The following ZNF879 variants were observed in gnomAD, a reference collection of about 807,000 sequenced individuals.
The protein encoded by ZNF879 is zinc finger protein 879.
In ZNF879, 32 loss-of-function variants were observed where a neutral mutation model predicts 44.3. The ratio of observed to expected loss-of-function variants is 0.72; its 90% CI spans 0.54 to 0.97. The LOEUF is 0.97. ZNF879 is among the 50% of genes least tolerant of loss of function. The probability of loss-of-function intolerance (pLI) is 0.00; values close to 1 mark genes in which losing one functional copy is unlikely to be tolerated. For missense variants in ZNF879, 621 were observed against 669.7 expected (o/e 0.93, Z 0.80); for synonymous variants, 234 against 233.2 (o/e 1.00, Z -0.03).
At position 179,033,306 on chromosome 5, in the gene ZNF879, A is replaced by G. The variant is rs1398823353; in HGVS notation, c.1358A>G (p.Glu453Gly). 6.3e-7 allele frequency: 1 copy of G among 1,576,010 alleles called. No individual in the cohort carries two copies. The highest frequency in any genetic ancestry group is 1.2e-5 in the South Asian group (1 of 86,580). Reference protein sequence around the residue: ...LNIHHRIHTGEKPYNCKECGK... With the variant: ...LNIHHRIHTGGKPYNCKECGK... ...ATACATCACAGAATTCACACTGGAG[A>G]GAAACCATATAATTGTAAGGAATGT... The change falls in exon 5 of 5, where the codon GAG (glutamate) becomes GGG (glycine). Residue 453 changes from glutamate (E) to glycine (G), a missense_variant. Coordinates refer to ENST00000444149, the MANE Select transcript of ZNF879 (RefSeq NM_001136116.3).
chr5:179,028,249 A>G (rs1254525547), intron 4 of ZNF879, 122 bp downstream of exon 4: 1 of 805,866 alleles, frequency 1.2e-6, no homozygotes, highest in Admixed American at 2.4e-5. Context: ...GGGAAGGTAG[A>G]TCCTTTCTCT....
At position 179,033,812 on chromosome 5, in the gene ZNF879, GA is replaced by G. The variant is rs1467298605; in HGVS notation, c.*176del. The G allele has an allele frequency of 2.0e-6, 1 of 493,092 alleles. No homozygotes were observed. The highest frequency in any genetic ancestry group is 3.5e-6 in the Non-Finnish European group (1 of 285,700). The allele number at this position is 493,092 out of a possible 1,614,324, so 30.5% of individuals were successfully genotyped here. A position where few individuals can be genotyped will look rare whatever the true frequency, so the allele number is the denominator to read the frequency against. ...ATGCAGGGTAACCTTGGGAATGCTA[GA>G]AAAGCTTCTATAAAATGTTTATTCA... On this transcript the variant is annotated 3_prime_UTR_variant, in exon 5 of 5. Coordinates refer to ENST00000444149, the MANE Select transcript of ZNF879 (RefSeq NM_001136116.3).
chr5:179,033,739 T>C lies in ZNF879; in HGVS notation c.*99T>C, dbSNP rs762487257. 1.2e-4 allele frequency: 104 copies of C among 892,644 alleles called. No individual in the cohort carries two copies. The highest frequency in any genetic ancestry group is 2.9e-4 in the Admixed American group (9 of 31,518). The allele number at this position is 892,644 out of a possible 1,614,324, so 55.3% of individuals were successfully genotyped here. ...GAAAGTGATGAAGAGTAGTTAATCA[T>C]AGGTAAAACTTCAGCATTAGACCTC... is the stretch of plus-strand genomic sequence containing the variant. On this transcript the variant is annotated 3_prime_UTR_variant, in exon 5 of 5. Transcript: ENST00000444149.
At chr5:179,031,908 C>T (rs1006729354) in intron 4 of ZNF879, among the ~76,000 whole-genome samples, 6 of 152,234 alleles carry the variant, frequency 3.9e-5, no homozygotes, top group South Asian at 2.1e-4. Flanking sequence ...TGGGAGATGA[C>T]GCTGAGGGAC....
chr5:179,028,027 A>G lies in ZNF879; in HGVS notation c.161-5A>G, dbSNP rs1761317300. 1.3e-6 allele frequency: 2 copies of G among 1,551,284 alleles called. No homozygotes were observed. Among genetic ancestry groups the G allele is most frequent in the Admixed American group, 3.9e-5 (2 of 50,978 alleles). On this transcript the variant is annotated splice_polypyrimidine_tract_variant and splice_region_variant and intron_variant, in intron 3 of 4. Coordinates refer to ENST00000444149, the MANE Select transcript of ZNF879 (RefSeq NM_001136116.3). ...CGCTCACGTTTCTTTCTTGTTCATGAACAGGGATTCTCTTTTCCAAGCCAA... is the reference window on the plus strand; with the variant it reads ...CGCTCACGTTTCTTTCTTGTTCATGGACAGGGATTCTCTTTTCCAAGCCAA...
chr5:179,027,970 A>G, intron 3 of ZNF879, 62 bp from the exon 4 acceptor site: 1 of 1,416,722 alleles, frequency 7.1e-7, no homozygotes, highest in Non-Finnish European at 9.8e-7. Context: ...TGCCCTGGGC[A>G]CTCTGGGGCT....
At chr5:179,027,425 C>A (rs369064531) in intron 2 of ZNF879, 48 bp from the exon 3 acceptor site, 2 of 1,606,296 alleles carry the variant, frequency 1.2e-6, no homozygotes, top group Non-Finnish European at 1.7e-6. Context: ...TCAGTCTTCT[C>A]GTTGTGGGGA....
intron 3 of ZNF879, 88 bp from the exon 4 acceptor site, chr5:179,027,944 C>A: frequency 8.6e-7 from 1 of 1,159,540 alleles, no homozygotes; most frequent in Non-Finnish European, 1.3e-6. Flanking sequence ...CCTCCTCCTT[C>A]CCTGTACTGC....
rs765739969 is a variant in ZNF879, at chr5:179,027,600, G to C, written c.160+1G>C. Reference sequence around the variant, plus strand: ...AACTACAGCATCCTGGTCTCACTGGGTAAGGAACTTTCCTCCTGATGCAGA... The same window carrying C: ...AACTACAGCATCCTGGTCTCACTGGCTAAGGAACTTTCCTCCTGATGCAGA... On this transcript the variant is annotated splice_donor_variant, in intron 3 of 4. Transcript: ENST00000444149. LOFTEE classifies it high-confidence loss of function. 3.7e-6 allele frequency: 6 copies of C among 1,613,852 alleles called. No homozygotes were observed. In the South Asian group the frequency reaches 6.6e-5, roughly 18 times the overall value.
At chr5:179,028,183 A>G (rs1454166489) in intron 4 of ZNF879, 56 bp downstream of exon 4, 2 of 1,493,148 alleles carry the variant, frequency 1.3e-6, no homozygotes, top group East Asian at 2.5e-5. Context: ...GCCAGGGCAC[A>G]GCGAGGAGGC....
chr5:179,033,527 C>T lies in ZNF879; in HGVS notation c.1579C>T (p.Leu527Phe). Residue 527 changes from leucine (L) to phenylalanine (F), a missense_variant, in exon 5 of 5, where the codon CTT becomes TTT. Physicochemically the swap from Leu to Phe is conservative, Grantham distance 22. Coordinates refer to ENST00000444149, the MANE Select transcript of ZNF879 (RefSeq NM_001136116.3). The part of the protein sequence containing the change: ...CGKAFRQSSS[L>F]MTHMRIHTGE... ...GAAAGCCTTCAGACAGAGTTCATCCCTTATGACACACATGAGAATTCATAC... is the reference window on the plus strand; with the variant it reads ...GAAAGCCTTCAGACAGAGTTCATCCTTTATGACACACATGAGAATTCATAC... 6.4e-7 allele frequency: 1 copy of T among 1,555,536 alleles called. No individual in the cohort carries two copies. Among genetic ancestry groups the T allele is most frequent in the Non-Finnish European group, 8.7e-7 (1 of 1,149,444 alleles).
Position 179,028,082 on chromosome 5 carries a change from G to A in ZNF879, c.211G>A (p.Asp71Asn). 6.4e-7 allele frequency: 1 copy of A among 1,551,616 alleles called. No homozygotes were observed. Residue 71 changes from aspartate (D) to asparagine (N), a missense_variant, in exon 4 of 5, where the codon GAC becomes AAC. Physicochemically the swap from Asp to Asn is conservative, Grantham distance 23. Transcript: ENST00000444149. ...KVISQLEQGE[D>N]PWMVESGVPQ... ...CATCTCCCAGTTAGAGCAAGGAGAA[G>A]ACCCCTGGATGGTGGAGAGTGGAGT...
chr5:179,025,523 G>A (rs1761240661), intron 2 of ZNF879, among the ~76,000 whole-genome samples: 1 of 152,178 alleles, frequency 6.6e-6, no homozygotes, highest in African/African-American at 2.4e-5. Context: ...AGAATTTAAT[G>A]GGGCTCCAAT....
chr5:179,026,854 G>A (rs568044951), intron 2 of ZNF879, among the ~76,000 whole-genome samples: 54 of 152,336 alleles, frequency 3.5e-4, no homozygotes, highest in Non-Finnish European at 5.6e-4. Flanking sequence ...ATCCAGTGAA[G>A]GAGGAGAGAG....
chr5:179,032,376 T>C lies in ZNF879; in HGVS notation c.428T>C (p.Val143Ala). The C allele has an allele frequency of 6.4e-6, 10 of 1,551,160 alleles. No individual in the cohort carries two copies. The highest frequency in any genetic ancestry group is 8.7e-6 in the Non-Finnish European group (10 of 1,146,868). Reference protein sequence around the residue: ...KKNRLFSKVLVTIKKVYMKER... With the variant: ...KKNRLFSKVLATIKKVYMKER... Reference sequence around the variant, plus strand: ...AACAGACTTTTCAGTAAAGTGTTAGTTACCATCAAAAAAGTCTACATGAAG... The same window carrying C: ...AACAGACTTTTCAGTAAAGTGTTAGCTACCATCAAAAAAGTCTACATGAAG... Residue 143 changes from valine to alanine, a missense_variant, in exon 5 of 5, where the codon GTT becomes GCT. By Grantham distance (64) the Val-to-Ala change is moderately conservative. Coordinates refer to ENST00000444149, the MANE Select transcript of ZNF879 (RefSeq NM_001136116.3).
In ZNF879 at chr5:179,032,774, A is replaced by G; in HGVS notation, c.826A>G (p.Ile276Val). The G allele has an allele frequency of 1.3e-6, 2 of 1,554,212 alleles. No homozygotes were observed. Among genetic ancestry groups the G allele is most frequent in the Non-Finnish European group, 1.7e-6 (2 of 1,148,652 alleles). The stretch of plus-strand genomic sequence containing the variant: ...AGCCTTCAGTTTCACCACATCTCTT[A>G]TTGGACACCAGAGAATGCATACTGG... ...GKAFSFTTSL[I>V]GHQRMHTGER... is the part of the protein sequence containing the mutation. Residue 276 changes from isoleucine to valine, a missense_variant, in exon 5 of 5, where the codon ATT (isoleucine) becomes GTT (valine). Coordinates refer to ENST00000444149, the MANE Select transcript of ZNF879 (RefSeq NM_001136116.3).
rs868085345 is a variant in ZNF879, at chr5:179,033,883, G to T, written c.*243G>T. 10 of 359,640 alleles carry T rather than the reference G, an allele frequency of 2.8e-5. No individual in the cohort carries two copies. Among genetic ancestry groups the T allele is most frequent in the Middle Eastern group, 7.8e-4 (1 of 1,286 alleles). The allele number at this position is 359,640 out of a possible 1,614,324, so 22.3% of individuals were successfully genotyped here. On this transcript the variant is annotated 3_prime_UTR_variant, in exon 5 of 5. Coordinates refer to ENST00000444149, the MANE Select transcript of ZNF879 (RefSeq NM_001136116.3). ...CATGAAATGGAGAATTTTTAAGATT[G>T]CAGGGTTAGTATTTGATTGTCTAGT... is the stretch of plus-strand genomic sequence containing the variant.
rs147884669 is a variant in ZNF879, at chr5:179,029,658, G to A, written c.256+1531G>A. On this transcript the variant is annotated intron_variant, in intron 4 of 4. Transcript: ENST00000444149. ...AATTCTACATGCTGTTGTAAAAATA[G>A]GAGCAAAAAAAAGTCACCTGGAATT... Among the ~76,000 whole-genome samples, 1,260 of 152,096 alleles carry A rather than the reference G, an allele frequency of 8.3e-3. 20 individuals carry two copies. The highest frequency in any genetic ancestry group is 0.028 in the African/African-American group (1,161 of 41,506).
chr5:179,033,164 G>A lies in ZNF879; in HGVS notation c.1216G>A (p.Gly406Arg), dbSNP rs1761484155. 1 of 1,590,896 alleles carries A rather than the reference G, an allele frequency of 6.3e-7. No homozygotes were observed. The change falls in exon 5 of 5, where the codon GGG becomes AGG. Residue 406 changes from glycine to arginine, a missense_variant. Physicochemically the swap from Gly to Arg is moderately radical, Grantham distance 125 (BLOSUM62 -2). Coordinates refer to ENST00000444149, the MANE Select transcript of ZNF879 (RefSeq NM_001136116.3). Reference sequence around the variant, plus strand: ...GAAACCATATGCATGCAAAGAATGTGGGAAAGCCTTCAGCCAAAGCTCAGC... The same window carrying A: ...GAAACCATATGCATGCAAAGAATGTAGGAAAGCCTTCAGCCAAAGCTCAGC... ...GEKPYACKEC[G>R]KAFSQSSALI...
Sources: allele counts gnomAD v4.1 joint callset (sites outside exome capture counted in the v4.1 genomes callset), GRCh38; gene constraint gnomAD v4.1.1; transcripts MANE v1.5; gene names NCBI Gene and HGNC (gene_info 2026-07-23, HGNC 2026-07-21).